SGCZ: variants seen among roughly 807,000 people sequenced by gnomAD.
SGCZ encodes the protein zeta-sarcoglycan.
SGCZ carries 40 observed loss-of-function variants against 41.3 expected under a neutral mutation model. That is an observed-to-expected ratio of 0.97 (90% CI 0.75 to 1.26). SGCZ has a LOEUF of 1.26. Among genes scored for constraint, SGCZ ranks in the 50% most tolerant of loss-of-function variants. The pLI is 0.00. For missense variants in SGCZ, 552 were observed against 369.8 expected (o/e 1.49, Z -4.04); for synonymous variants, 206 against 137.5 (o/e 1.50, Z -3.49).
chr8:14,161,896 T>C (rs895510019), intron 5 of SGCZ, among the ~76,000 whole-genome samples: 4 of 151,738 alleles, frequency 2.6e-5, no homozygotes, highest in East Asian at 1.9e-4. Context: ...CACACACACA[T>C]AGACACATTT....
intron 1 of SGCZ, among the ~76,000 whole-genome samples, chr8:14,697,031 G>A (rs918127356): frequency 2.0e-5 from 3 of 151,940 alleles, no homozygotes; most frequent in South Asian, 2.1e-4. Context: ...GGGAAACAGA[G>A]AGCTACAGGA....
At chr8:15,099,228 A>G (rs1806509061) in intron 1 of SGCZ, among the ~76,000 whole-genome samples, 1 of 152,222 alleles carries the variant, frequency 6.6e-6, no homozygotes, top group African/African-American at 2.4e-5. Flanking sequence ...GTCTTCAATA[A>G]TAAGACATTG....
chr8:14,696,204 A>G (rs1808956885), intron 1 of SGCZ, among the ~76,000 whole-genome samples: 1 of 152,172 alleles, frequency 6.6e-6, no homozygotes. Flanking sequence ...TCAGACATTT[A>G]ATATGCCTTT....
At chr8:15,060,068 C>T (rs1441614503) in intron 1 of SGCZ, among the ~76,000 whole-genome samples, 1 of 152,182 alleles carries the variant, frequency 6.6e-6, no homozygotes, top group Non-Finnish European at 1.5e-5. Context: ...GAGAAAACGT[C>T]TCCCTTTGGG....
intron 1 of SGCZ, among the ~76,000 whole-genome samples, chr8:14,572,399 CAATAAT>C (rs1292837164): frequency 6.6e-6 from 1 of 152,096 alleles, no homozygotes; most frequent in Non-Finnish European, 1.5e-5. Flanking sequence ...GAATTAACAA[CAATAAT>C]AATAATATTA....
chr8:14,578,459 T>A (rs1804785241), intron 1 of SGCZ, among the ~76,000 whole-genome samples: 1 of 152,206 alleles, frequency 6.6e-6, no homozygotes, highest in African/African-American at 2.4e-5. Flanking sequence ...AGGCTCACAT[T>A]TTCTGTGACC....
intron 2 of SGCZ, among the ~76,000 whole-genome samples, chr8:14,437,354 C>CA: frequency 6.6e-6 from 1 of 152,054 alleles, no homozygotes; most frequent in East Asian, 1.9e-4. Context: ...ACAGAATATC[C>CA]ACAATTATCT....
chr8:15,199,133 C>T lies in SGCZ; in HGVS notation c.39+38452G>A, dbSNP rs141617951. 1.7e-4 allele frequency among the ~76,000 whole-genome samples: 26 copies of T among 152,274 alleles called. No homozygotes were observed. In the East Asian group the frequency reaches 3.1e-3, roughly 18 times the overall value. On this transcript the variant is annotated intron_variant, in intron 1 of 7. Transcript: ENST00000382080. ...ATCAACTTCGGATAGAAATGATACC[C>T]GACATTCTAAAAGTTTGACAGAACT...
chr8:14,503,991 C>T (rs937292591), intron 2 of SGCZ, among the ~76,000 whole-genome samples: 9 of 152,084 alleles, frequency 5.9e-5, no homozygotes, highest in African/African-American at 1.7e-4. Context: ...CTGTATTTTA[C>T]ATCTTATGAG....
At chr8:14,197,123 C>T (rs1259607223) in intron 4 of SGCZ, among the ~76,000 whole-genome samples, 1 of 152,044 alleles carries the variant, frequency 6.6e-6, no homozygotes, top group Non-Finnish European at 1.5e-5. Flanking sequence ...AATAGCAATA[C>T]AGTTGTTATA....
chr8:14,492,642 T>C (rs1169143355), intron 2 of SGCZ, among the ~76,000 whole-genome samples: 1 of 152,186 alleles, frequency 6.6e-6, no homozygotes, highest in Admixed American at 6.5e-5. Flanking sequence ...TTGAGTCTAG[T>C]ACAAGTACTG....
At chr8:14,207,068 G>A (rs1010931306) in intron 4 of SGCZ, among the ~76,000 whole-genome samples, 1 of 152,014 alleles carries the variant, frequency 6.6e-6, no homozygotes, top group Non-Finnish European at 1.5e-5. Flanking sequence ...CTAATTTAGT[G>A]CTCTATTTTC....
intron 1 of SGCZ, among the ~76,000 whole-genome samples, chr8:15,232,662 T>C (rs1209400560): frequency 1.6e-5 from 2 of 127,580 alleles, no homozygotes; most frequent in South Asian, 2.3e-4. Context: ...TATATATACA[T>C]ATATATGTGT....
chr8:14,881,744 A>G (rs1417620664), intron 1 of SGCZ, among the ~76,000 whole-genome samples: 1 of 152,226 alleles, frequency 6.6e-6, no homozygotes, highest in Non-Finnish European at 1.5e-5. Context: ...ATAGGTATCA[A>G]CAGAATTCTC....
chr8:14,248,776 G>C lies in SGCZ; in HGVS notation c.337-11097C>G, dbSNP rs188582030. On this transcript the variant is annotated intron_variant, in intron 3 of 7. Transcript: ENST00000382080. ...AATCTTTTTTTTTCTCCTAAAATCT[G>C]CTTGGATTATGAGGGGTTTTAAATA... 7.2e-4 allele frequency among the ~76,000 whole-genome samples: 109 copies of C among 151,240 alleles called. 1 individual carries two copies. In the East Asian group the frequency reaches 0.021, roughly 29 times the overall value.
intron 2 of SGCZ, among the ~76,000 whole-genome samples, chr8:14,396,219 G>A (rs771860719): frequency 6.6e-6 from 1 of 152,020 alleles, no homozygotes; most frequent in African/African-American, 2.4e-5. Context: ...TCTTATTTTA[G>A]TTCCTACGCA....
At chr8:14,799,169 G>C (rs1483827532) in intron 1 of SGCZ, among the ~76,000 whole-genome samples, 1 of 151,794 alleles carries the variant, frequency 6.6e-6, no homozygotes, top group African/African-American at 2.4e-5. Flanking sequence ...ATAACAATAA[G>C]ACACTTACTT....
intron 1 of SGCZ, among the ~76,000 whole-genome samples, chr8:14,741,785 G>C (rs112167164): frequency 1.2e-4 from 19 of 152,074 alleles, no homozygotes; most frequent in African/African-American, 4.1e-4. Flanking sequence ...TAAATTCAAA[G>C]TATTGCAAGA....
chr8:15,175,225 T>C (rs1799960413), intron 1 of SGCZ, among the ~76,000 whole-genome samples: 1 of 152,098 alleles, frequency 6.6e-6, no homozygotes, highest in Non-Finnish European at 1.5e-5. Context: ...TAAAGACACA[T>C]GCATGCTTGT....
Sources: gnomAD v4.1 joint callset for allele counts (sites outside exome capture counted in the v4.1 genomes callset) on GRCh38, gnomAD v4.1.1 for gene constraint, MANE v1.5 for transcripts, NCBI Gene and HGNC (gene_info 2026-07-23, HGNC 2026-07-21) for gene names.